Variants in CELF2 observed in about 807,000 individuals in gnomAD.
The protein encoded by CELF2 is CUGBP Elav-like family member 2.
A neutral mutation model predicts 62.6 loss-of-function variants in CELF2; 8 were observed. The ratio of observed to expected loss-of-function variants is 0.13; its 90% CI spans 0.07 to 0.23. The LOEUF is 0.23. Ranked by LOEUF, CELF2 falls within the 10% of genes least tolerant of loss-of-function variation. The pLI, the probability that CELF2 is intolerant of heterozygous loss-of-function variation, is 1.00. For synonymous variants in CELF2, 258 were observed against 250.0 expected (o/e 1.03, Z -0.30); for missense variants, 333 against 671.0 (o/e 0.50, Z 5.56).
Position 11,214,650 on chromosome 10 carries a change from G to A in CELF2, c.272-2775G>A, listed in dbSNP as rs755077217. ...TGTGCTGGGGCTCAGCTCTTGGGTC[G>A]GACAGATGAACGGTAAGGCACATTA... On this transcript the variant is annotated intron_variant, in intron 2 of 12. Transcript: ENST00000633077. This position sits in a 1 kb window ranked among gnomAD's most constrained non-coding sequence, Gnocchi z 4.2. Among the ~76,000 whole-genome samples, 28 of 152,156 alleles carry A rather than the reference G, an allele frequency of 1.8e-4. No homozygotes were observed. The highest frequency in any genetic ancestry group is 5.2e-4 in the Admixed American group (8 of 15,280).
chr10:11,291,907 G>T (rs2092579544), intron 9 of CELF2, among the ~76,000 whole-genome samples: 1 of 152,044 alleles, frequency 6.6e-6, no homozygotes, highest in East Asian at 1.9e-4. Context: ...AATATTTTTT[G>T]GTATTTTTTG....
At position 11,039,214 on chromosome 10, in the gene CELF2, C is replaced by G. The variant is rs891967322; in HGVS notation, c.74+21051C>G. Among the ~76,000 whole-genome samples, 4 of 152,176 alleles carry G rather than the reference C, an allele frequency of 2.6e-5. No individual in the cohort carries two copies. Among genetic ancestry groups the G allele is most frequent in the African/African-American group, 9.7e-5 (4 of 41,428 alleles). On this transcript the variant is annotated intron_variant, in intron 1 of 12. Coordinates refer to ENST00000633077, the MANE Select transcript of CELF2 (RefSeq NM_001326342.2). The surrounding 1 kb of genome is among the most constrained non-coding windows in gnomAD (Gnocchi z 4.1). ...CCTTCTGCCCACAACACTTCGTGCC[C>G]TGTATGGCACAGAGTGGGTCAAACA...
chr10:11,305,759 C>G lies in CELF2; in HGVS notation c.977-8380C>G, dbSNP rs1218084009. ...TAAGGAGAAGGAACCCATCCCGTCC[C>G]CTCAGTTGGGATTAGTGTTTGGGAT... On this transcript the variant is annotated intron_variant, in intron 9 of 12. Transcript: ENST00000633077. The surrounding 1 kb of genome is among the most constrained non-coding windows in gnomAD (Gnocchi z 4.8). Among the ~76,000 whole-genome samples, 3 of 152,214 alleles carry G rather than the reference C, an allele frequency of 2.0e-5. No homozygotes were observed. Among genetic ancestry groups the G allele is most frequent in the Non-Finnish European group, 4.4e-5 (3 of 68,042 alleles).
chr10:10,633,435 T>G, the CELF2 span, among the ~76,000 whole-genome samples: 1 of 152,208 alleles, frequency 6.6e-6, no homozygotes, highest in African/African-American at 2.4e-5. Context: ...GCCTGGTATC[T>G]TTTTGGGTGT....
intron 1 of CELF2, among the ~76,000 whole-genome samples, chr10:11,158,209 A>T (rs1392924518): frequency 6.6e-6 from 1 of 152,322 alleles, no homozygotes; most frequent in East Asian, 1.9e-4. Flanking sequence ...GCATCCAGCC[A>T]TTGGCAGGTA....
intron 2 of CELF2, among the ~76,000 whole-genome samples, chr10:11,175,750 G>A (rs1022892923): frequency 3.7e-4 from 57 of 152,138 alleles, no homozygotes; most frequent in African/African-American, 1.2e-3. Flanking sequence ...GAACAGAAAC[G>A]ATGAAAAATG....
chr10:11,079,659 GA>G (rs761032784), intron 1 of CELF2, among the ~76,000 whole-genome samples: 22 of 151,922 alleles, frequency 1.4e-4, no homozygotes, highest in South Asian at 1.0e-3. Flanking sequence ...CAGTCATGCA[GA>G]ACTGTAAGTC....
At chr10:10,480,961 G>A in the CELF2 span, among the ~76,000 whole-genome samples, 1 of 152,236 alleles carries the variant, frequency 6.6e-6, no homozygotes, top group East Asian at 1.9e-4. Flanking sequence ...TACTCGGGAG[G>A]CTGAGGCAGG....
the CELF2 span, among the ~76,000 whole-genome samples, chr10:10,647,037 C>T: frequency 6.6e-6 from 1 of 152,182 alleles, no homozygotes; most frequent in South Asian, 2.1e-4. Flanking sequence ...ATCTCTGTGA[C>T]ATTATAAATA....
At chr10:11,179,756 C>G (rs961860922) in intron 2 of CELF2, among the ~76,000 whole-genome samples, 2 of 152,126 alleles carry the variant, frequency 1.3e-5, no homozygotes, top group African/African-American at 4.8e-5. Flanking sequence ...TCTTTCCCCC[C>G]TGAAGGCTCT....
At chr10:11,202,601 A>T (rs1267933915) in intron 2 of CELF2, among the ~76,000 whole-genome samples, 1 of 152,216 alleles carries the variant, frequency 6.6e-6, no homozygotes, top group African/African-American at 2.4e-5. Context: ...AGTTATATTC[A>T]GGGAGCTAAG....
At chr10:11,248,026 T>A (rs995977970) in intron 3 of CELF2, among the ~76,000 whole-genome samples, 1 of 152,150 alleles carries the variant, frequency 6.6e-6, no homozygotes, top group East Asian at 1.9e-4. Context: ...TCCCTTTCAT[T>A]GAAATTAGAT....
At position 11,202,951 on chromosome 10, in the gene CELF2, CTGTGTGTGTG is replaced by C. The variant is rs3055302; in HGVS notation, c.272-14462_272-14453del. ...TCTCTCTCTCTCTCTCTCTCTCTCTCTGTGTGTGTGTGTGTGTGTGTAATCCAAACAGGCA... is the reference window on the plus strand; with the variant it reads ...TCTCTCTCTCTCTCTCTCTCTCTCTCTGTGTGTGTGTAATCCAAACAGGCA... On this transcript the variant is annotated intron_variant, in intron 2 of 12. Coordinates refer to ENST00000633077, the MANE Select transcript of CELF2 (RefSeq NM_001326342.2). Among the ~76,000 whole-genome samples the C allele has an allele frequency of 2.0e-3, 110 of 53,870 alleles. 1 individual carries two copies. Among genetic ancestry groups the C allele is most frequent in the African/African-American group, 7.7e-3 (109 of 14,178 alleles). The allele number at this position is 53,870 out of a possible 152,430, so 35.3% of individuals were successfully genotyped here.
chr10:10,642,225 C>T, the CELF2 span, among the ~76,000 whole-genome samples: 1 of 152,214 alleles, frequency 6.6e-6, no homozygotes, highest in Admixed American at 6.5e-5. Flanking sequence ...GAGGCAAATT[C>T]TTCCCCACTT....
rs1034404101 is a variant in CELF2, at chr10:11,012,546, C to G, written c.53+7106C>G. 6.6e-6 allele frequency among the ~76,000 whole-genome samples: 1 copy of G among 152,204 alleles called. No homozygotes were observed. The highest frequency in any genetic ancestry group is 1.5e-5 in the Non-Finnish European group (1 of 68,044). On this transcript the variant is annotated intron_variant, in intron 1 of 12. Transcript: ENST00000416382. The surrounding 1 kb of genome is among the most constrained non-coding windows in gnomAD (Gnocchi z 5.5). Reference sequence around the variant, plus strand: ...TCCATTTCTCTTCCTTTCACCCCACCTGTTGCTGCCTTCTCCGGGACCGAA... The same window carrying G: ...TCCATTTCTCTTCCTTTCACCCCACGTGTTGCTGCCTTCTCCGGGACCGAA...
intron 8 of CELF2, among the ~76,000 whole-genome samples, chr10:11,288,136 G>A (rs981586722): frequency 1.1e-4 from 16 of 152,354 alleles, no homozygotes; most frequent in Admixed American, 5.2e-4. Context: ...ACTGGTTAGC[G>A]AGGGAGAAGC....
At chr10:10,694,503 A>T in the CELF2 span, among the ~76,000 whole-genome samples, 2 of 152,040 alleles carry the variant, frequency 1.3e-5, no homozygotes, top group Non-Finnish European at 2.9e-5. Flanking sequence ...TTTGGGGTGG[A>T]GAGTTCTGTA....
the CELF2 span, among the ~76,000 whole-genome samples, chr10:10,594,976 G>A: frequency 1.3e-5 from 2 of 152,306 alleles, no homozygotes; most frequent in South Asian, 4.1e-4. Flanking sequence ...ATTCCAGAGG[G>A]TGGGCTGGTT....
chr10:10,524,545 G>T, the CELF2 span, among the ~76,000 whole-genome samples: 1 of 151,656 alleles, frequency 6.6e-6, no homozygotes, highest in Non-Finnish European at 1.5e-5. Flanking sequence ...AGCATTCCAT[G>T]ACCTTAATTT....
Sources: gnomAD v4.1 joint callset for allele counts (sites outside exome capture counted in the v4.1 genomes callset) on GRCh38, gnomAD v4.1.1 for gene constraint, Gnocchi (gnomAD v3.1) non-coding constraint, MANE v1.5 for transcripts, NCBI Gene and HGNC (gene_info 2026-07-23, HGNC 2026-07-21) for gene names.